The following TDRD9 variants were observed in gnomAD, a reference collection of about 807,000 sequenced individuals.
TDRD9 encodes the protein ATP-dependent RNA helicase TDRD9.
TDRD9 carries 124 observed loss-of-function variants against 172.6 expected under a neutral mutation model. The observed-to-expected ratio is 0.72, with a 90% CI of 0.62 to 0.83. The LOEUF is 0.83. Among genes scored for constraint, TDRD9 ranks in the 40% least tolerant of loss-of-function variants. The probability of loss-of-function intolerance (pLI) is 0.00; values close to 1 mark genes in which losing one functional copy is unlikely to be tolerated. For synonymous variants in TDRD9, 619 were observed against 617.1 expected, an observed-to-expected ratio of 1.00 and a Z score of -0.05; for missense variants, 1,479 against 1,714.1, an observed-to-expected ratio of 0.86 and a Z score of 2.42.
At chr14:104,047,420 T>C (rs1186311473) in intron 34 of TDRD9, among the ~76,000 whole-genome samples, 1 of 152,188 alleles carries the variant, frequency 6.6e-6, no homozygotes, top group Non-Finnish European at 1.5e-5. Flanking sequence ...ATGAAAGCTT[T>C]CTTTCTCTAG....
rs73352472 is a variant in TDRD9 at position 103,963,069 on chromosome 14, C to T, written c.323-10C>T. On this transcript the variant is annotated splice_polypyrimidine_tract_variant and intron_variant, in intron 2 of 35. Transcript: ENST00000409874. ...ATGGCATTGTATTTGTTTGTTTTGC[C>T]TTAATCCAGGTCCAAGGCCATCTTT... 1.9e-3 allele frequency: 2,823 copies of T among 1,519,724 alleles called. 44 individuals carry two copies. In the African/African-American group the frequency reaches 0.035, roughly 19 times the overall value. 94.1% of individuals were successfully genotyped at this position (1,519,724 alleles called of 1,614,324 possible). A position where few individuals can be genotyped will look rare whatever the true frequency, so the allele number is the denominator to read the frequency against.
At chr14:103,973,151 A>T (rs1391615620) in intron 6 of TDRD9, among the ~76,000 whole-genome samples, 1 of 152,178 alleles carries the variant, frequency 6.6e-6, no homozygotes, top group East Asian at 1.9e-4. Flanking sequence ...TGTGTTCATG[A>T]TTTATTAACA....
intron 32 of TDRD9, among the ~76,000 whole-genome samples, chr14:104,039,994 A>T: frequency 6.6e-6 from 1 of 152,208 alleles, no homozygotes; most frequent in East Asian, 1.9e-4. Context: ...ATTAATAAAA[A>T]TACTGAATTT....
chr14:103,995,413 CCTT>C (rs1159340839), intron 11 of TDRD9, among the ~76,000 whole-genome samples: 3 of 152,178 alleles, frequency 2.0e-5, no homozygotes, highest in African/African-American at 7.2e-5. Context: ...AGGCAACAAC[CCTT>C]CTTCTAGAAA....
rs2034398868 is a variant in TDRD9, at chr14:104,005,285, A to G, written c.1593A>G (p.Leu531=). The G allele has an allele frequency of 3.7e-6, 6 of 1,613,920 alleles. No individual in the cohort carries two copies. Among genetic ancestry groups the G allele is most frequent in the Middle Eastern group, 1.6e-4 (1 of 6,062 alleles). The part of the protein sequence containing the change: ...HVVPEMLRCP[L]GSTILKVKLL... ...TTGTTTCTTTTCAGCGTTGTCCATT[A>G]GGAAGCACGATCTTGAAAGTGAAAT... The change falls in exon 15 of 36, where the codon TTA becomes TTG. Residue 531 remains leucine (L), a synonymous_variant. Transcript: ENST00000409874.
At chr14:103,966,321 ACT>A (rs1377354827) in intron 4 of TDRD9, among the ~76,000 whole-genome samples, 1 of 152,130 alleles carries the variant, frequency 6.6e-6, no homozygotes, top group African/African-American at 2.4e-5. Context: ...ACAAAGTGAG[ACT>A]CTGTTTCGAA....
chr14:103,988,018 C>T (rs1348561546), intron 8 of TDRD9, among the ~76,000 whole-genome samples: 2 of 152,178 alleles, frequency 1.3e-5, no homozygotes, highest in African/African-American at 2.4e-5. Context: ...TCTCTCGTAA[C>T]ACTTAATTTT....
chr14:103,941,777 T>C (rs756844072), intron 1 of TDRD9: 19 of 1,170,164 alleles, frequency 1.6e-5, no homozygotes, highest in Admixed American at 3.1e-5. Context: ...TTCTTTACAA[T>C]AAATTTGCCC....
intron 1 of TDRD9, among the ~76,000 whole-genome samples, chr14:103,949,370 G>A (rs2031739343): frequency 1.3e-5 from 2 of 152,204 alleles, no homozygotes; most frequent in African/African-American, 4.8e-5. Flanking sequence ...GTCTTGCAAT[G>A]TGTAATTCAT....
At chr14:104,007,137 A>G in intron 18 of TDRD9, 23 bp from the exon 19 acceptor site, 1 of 1,608,154 alleles carries the variant, frequency 6.2e-7, no homozygotes, top group South Asian at 1.1e-5. Context: ...ATTATTTTGA[A>G]AGTTTGGATC....
chr14:103,947,361 T>G (rs186276623), intron 1 of TDRD9, among the ~76,000 whole-genome samples: 3,515 of 152,084 alleles, frequency 0.023, 75 homozygotes, highest in East Asian at 0.071. Context: ...ATGGAGTCTC[T>G]CTCTGTCGCC....
intron 29 of TDRD9, 106 bp downstream of exon 29, chr14:104,031,369 T>C (rs1365648496): frequency 1.2e-5 from 11 of 950,930 alleles, no homozygotes; most frequent in African/African-American, 1.7e-5. Flanking sequence ...TTTTCTGGCT[T>C]TTAATGCTGT....
intron 7 of TDRD9, among the ~76,000 whole-genome samples, chr14:103,983,442 C>T (rs997364089): frequency 3.9e-5 from 6 of 151,970 alleles, no homozygotes; most frequent in African/African-American, 1.5e-4. Flanking sequence ...AAAATTTGCC[C>T]CTGTGATTGG....
intron 30 of TDRD9, 50 bp from the exon 31 acceptor site, chr14:104,033,910 G>T (rs1053826785): frequency 2.2e-5 from 27 of 1,213,086 alleles, no homozygotes; most frequent in Non-Finnish European, 3.1e-5. Flanking sequence ...ATAGCACATT[G>T]CCTGGTTAGT....
intron 31 of TDRD9, 66 bp from the exon 32 acceptor site, chr14:104,034,894 G>A (rs961200991): frequency 2.6e-5 from 33 of 1,287,038 alleles, no homozygotes; most frequent in South Asian, 1.5e-4. Flanking sequence ...GGAGCGGGCC[G>A]GGAGGGAACG....
chr14:103,986,414 A>G (rs2033663306), intron 8 of TDRD9, 94 bp downstream of exon 8: 8 of 908,058 alleles, frequency 8.8e-6, no homozygotes, highest in South Asian at 3.4e-5. Context: ...ATAAGAAGGT[A>G]TAACTATAGG....
intron 31 of TDRD9, 139 bp from the exon 32 acceptor site, chr14:104,034,821 A>G: frequency 1.6e-6 from 1 of 614,710 alleles, no homozygotes; most frequent in Non-Finnish European, 2.9e-6. Flanking sequence ...GTGCGTTACT[A>G]TTGGGGTGGG....
intron 31 of TDRD9, 76 bp downstream of exon 31, chr14:104,034,145 T>A (rs557052582): frequency 1.2e-6 from 1 of 825,500 alleles, no homozygotes; most frequent in South Asian, 1.4e-5. Context: ...GAACAACTTA[T>A]CCTATAATTG....
At chr14:103,935,251 G>A (rs764035689) in intron 1 of TDRD9, among the ~76,000 whole-genome samples, 11 of 152,208 alleles carry the variant, frequency 7.2e-5, no homozygotes, top group Non-Finnish European at 1.5e-4. Context: ...ATTCAAGCAA[G>A]AGATAGGATG....
Sources: gnomAD v4.1 joint callset for allele counts (sites outside exome capture counted in the v4.1 genomes callset) on GRCh38, gnomAD v4.1.1 for gene constraint, MANE v1.5 for transcripts, NCBI Gene and HGNC (gene_info 2026-07-23, HGNC 2026-07-21) for gene names.